Variants in CCL16 observed in about 807,000 individuals in gnomAD.
CCL16 encodes the protein C-C motif chemokine ligand 16.
In CCL16, 6 loss-of-function variants were observed where a neutral mutation model predicts 7.5. The observed-to-expected ratio is 0.80, with a 90% CI of 0.44 to 1.57. The LOEUF (loss-of-function observed/expected upper bound fraction) is 1.57, where lower values mean the gene tolerates loss of function less well. Among genes scored for constraint, CCL16 ranks in the 40% most tolerant of loss-of-function variants. CCL16 has a pLI of 0.01. For synonymous variants in CCL16, 60 were observed against 57.7 expected (o/e 1.04, Z -0.18); for missense variants, 134 against 142.9 (o/e 0.94, Z 0.32).
rs1232289768 is a variant in CCL16 at position 35,977,426 on chromosome 17, C to T, written c.*140G>A. On this transcript the variant is annotated 3_prime_UTR_variant, in exon 3 of 3. Coordinates refer to ENST00000611905, the MANE Select transcript of CCL16 (RefSeq NM_004590.4). Reference sequence around the variant, plus strand: ...TTCCTCCTAAGATTGAGAAAATATTCGAAATACTTCTCCTTTATTTTGATC... The same window carrying T: ...TTCCTCCTAAGATTGAGAAAATATTTGAAATACTTCTCCTTTATTTTGATC... The T allele has an allele frequency of 3.0e-6, 2 of 672,092 alleles. No homozygotes were observed. The highest frequency in any genetic ancestry group is 6.7e-5 in the Admixed American group (2 of 29,678). The allele number at this position is 672,092 out of a possible 1,614,324, so 41.6% of individuals were successfully genotyped here.
chr17:35,977,808 C>T (rs1014055932), intron 2 of CCL16, 77 bp from the exon 3 acceptor site: 3 of 1,494,870 alleles, frequency 2.0e-6, no homozygotes, highest in Non-Finnish European at 1.8e-6. Flanking sequence ...CTCTGGTTCA[C>T]ATGGAGCTCA....
chr17:35,977,513 C>T lies in CCL16; in HGVS notation c.*53G>A. 1 of 1,550,572 alleles carries T rather than the reference C, an allele frequency of 6.4e-7. No individual in the cohort carries two copies. The highest frequency in any genetic ancestry group is 8.8e-7 in the Non-Finnish European group (1 of 1,137,130). ...AGCCTAATAAGGCTTCCCCTGTTTT[C>T]ATAGGTTTACCCCTCTCTTCTGTAA... On this transcript the variant is annotated 3_prime_UTR_variant, in exon 3 of 3. Coordinates refer to ENST00000611905, the MANE Select transcript of CCL16 (RefSeq NM_004590.4).
chr17:35,979,307 A>G (rs2089663811), intron 1 of CCL16, among the ~76,000 whole-genome samples: 1 of 151,990 alleles, frequency 6.6e-6, no homozygotes, highest in African/African-American at 2.4e-5. Context: ...AGAGAGGAGG[A>G]GGGTCTGGTC....
chr17:35,979,169 G>A (rs1360361513), intron 1 of CCL16, among the ~76,000 whole-genome samples: 3 of 151,978 alleles, frequency 2.0e-5, no homozygotes, highest in African/African-American at 7.3e-5. Flanking sequence ...AGGACTTGTA[G>A]AATCTGGAAG....
rs953774766 is a variant in CCL16 at position 35,979,667 on chromosome 17, A to G, written c.77-1404T>C. The stretch of plus-strand genomic sequence containing the variant: ...AGAGCCTGGCACACAGAAAGGCTCA[A>G]TCAGTGCTTATTATAATTAAGAGCC... On this transcript the variant is annotated intron_variant, in intron 1 of 2. Coordinates refer to ENST00000611905, the MANE Select transcript of CCL16 (RefSeq NM_004590.4). Among the ~76,000 whole-genome samples, 77 of 152,318 alleles carry G rather than the reference A, an allele frequency of 5.1e-4. 1 individual carries two copies. Among genetic ancestry groups the G allele is most frequent in the Middle Eastern group, 3.4e-3 (1 of 294 alleles).
At position 35,977,724 on chromosome 17, in the gene CCL16, TGAC is replaced by T. The variant is rs748703665; in HGVS notation, c.202_204del (p.Val68del). On this transcript the variant is annotated inframe_deletion, in exon 3 of 3. Coordinates refer to ENST00000611905, the MANE Select transcript of CCL16 (RefSeq NM_004590.4). ...GTGCAGACTTCTCGGTTCCTCTTGG[TGAC>T]GAAGCTGCAGAGGCAGAATTAGACC... is the stretch of plus-strand genomic sequence containing the variant. 6.2e-6 allele frequency: 10 copies of T among 1,611,916 alleles called. No homozygotes were observed. In the East Asian group the frequency reaches 2.2e-4, roughly 36 times the overall value.
intron 2 of CCL16, 45 bp downstream of exon 2, chr17:35,978,098 G>T (rs1379978114): frequency 6.2e-7 from 1 of 1,613,158 alleles, no homozygotes; most frequent in South Asian, 1.1e-5. Flanking sequence ...CTGCCCCTGG[G>T]CTCCCTGTCC....
intron 1 of CCL16, among the ~76,000 whole-genome samples, chr17:35,980,680 G>T (rs1304851811): frequency 6.6e-6 from 1 of 152,102 alleles, no homozygotes; most frequent in Admixed American, 6.6e-5. Flanking sequence ...GATACGGAGG[G>T]GCAAAACAAA....
intron 1 of CCL16, chr17:35,980,526 A>G (rs778567647): frequency 5.0e-5 from 9 of 178,290 alleles, no homozygotes; most frequent in Non-Finnish European, 9.1e-5. Context: ...CATCACAAAC[A>G]AAACAAAACA....
rs545298101 is a variant in CCL16 at position 35,976,631 on chromosome 17, T to C, written c.*935A>G. 6.6e-6 allele frequency: 1 copy of C among 151,396 alleles called. No individual in the cohort carries two copies. Among genetic ancestry groups the C allele is most frequent in the Non-Finnish European group, 1.5e-5 (1 of 67,966 alleles). The allele number at this position is 151,396 out of a possible 1,614,324, so 9.4% of individuals were successfully genotyped here. ...GGGAGGTAGAGATTTGTGTCTCTTCTTCTTCTTCTTCTCTCTCTCTCTCTT... is the reference window on the plus strand; with the variant it reads ...GGGAGGTAGAGATTTGTGTCTCTTCCTCTTCTTCTTCTCTCTCTCTCTCTT... On this transcript the variant is annotated 3_prime_UTR_variant, in exon 3 of 3. Transcript: ENST00000611905.
At position 35,981,409 on chromosome 17, in the gene CCL16, G is replaced by A. The variant is rs759479400; in HGVS notation, c.12C>T (p.Ser4=). The A allele has an allele frequency of 5.0e-6, 8 of 1,611,560 alleles. No homozygotes were observed. In the African/African-American group the frequency reaches 6.7e-5, roughly 13 times the overall value. The change falls in exon 1 of 3, where the codon TCC becomes TCT. Residue 4 remains serine (S), a synonymous_variant. Coordinates refer to ENST00000611905, the MANE Select transcript of CCL16 (RefSeq NM_004590.4). ...GGACAAGGAGAGACAGGGCAGCCTC[G>A]GAGACCTTCATCCTCTCAGCGAGGC... is the stretch of plus-strand genomic sequence containing the variant. MKV[S]EAALSLLVLI...
chr17:35,977,593 A>G lies in CCL16; in HGVS notation c.336T>C (p.Gly112=). ...STVKIITAKN[G]QPQLLNSQ is the part of the protein sequence containing the mutation. ...ACTGGGAGTTGAGGAGCTGGGGTTG[A>G]CCATTCTTTGCTGTAATAATTTTAA... The change falls in exon 3 of 3, where the codon GGT becomes GGC. Residue 112 remains glycine (G), a synonymous_variant. Transcript: ENST00000611905. 6.2e-7 allele frequency: 1 copy of G among 1,612,640 alleles called. No homozygotes were observed. The highest frequency in any genetic ancestry group is 8.5e-7 in the Non-Finnish European group (1 of 1,179,946).
rs1316206939 is a variant in CCL16, at chr17:35,978,139, T to C, written c.197+4A>G. The C allele has an allele frequency of 1.2e-6, 2 of 1,614,082 alleles. No homozygotes were observed. The highest frequency in any genetic ancestry group is 1.7e-6 in the Non-Finnish European group (2 of 1,180,022). Reference sequence around the variant, plus strand: ...CACAGAAATATCTAAAAGGACGTGCTTACATGATTGCTGGCAGGTGACAGT... The same window carrying C: ...CACAGAAATATCTAAAAGGACGTGCCTACATGATTGCTGGCAGGTGACAGT... On this transcript the variant is annotated splice_donor_region_variant and intron_variant, in intron 2 of 2. Coordinates refer to ENST00000611905, the MANE Select transcript of CCL16 (RefSeq NM_004590.4).
intron 1 of CCL16, among the ~76,000 whole-genome samples, chr17:35,981,101 C>T (rs767754558): frequency 1.2e-4 from 18 of 152,256 alleles, no homozygotes; most frequent in South Asian, 4.2e-4. Context: ...CTGCTCACCA[C>T]GCTTGGGACT....
rs753448636 is a variant in CCL16 at position 35,981,335 on chromosome 17, G to A, written c.76+10C>T. On this transcript the variant is annotated intron_variant, in intron 1 of 2. Transcript: ENST00000611905. ...TCTCGTTCCTGCCCTACAGAGACAA[G>A]TGGACTCACTTGGCTGGCTGCGAGA... 6.2e-7 allele frequency: 1 copy of A among 1,602,636 alleles called. No homozygotes were observed. Among genetic ancestry groups the A allele is most frequent in the African/African-American group, 1.3e-5 (1 of 74,766 alleles).
In CCL16 at chr17:35,977,569, C is replaced by G. The variant is rs79254649; in HGVS notation, c.360G>C (p.Gln120His). 26 of 1,612,380 alleles carry G rather than the reference C, an allele frequency of 1.6e-5. No homozygotes were observed. The African/African-American group carries it at 3.3e-4, about 21-fold the overall frequency. The change falls in exon 3 of 3, where the codon CAG becomes CAC. Residue 120 changes from glutamine to histidine, a missense_variant. Transcript: ENST00000611905. ...GGCTTCCACTAAAGCCTGGTCATCA[C>G]TGGGAGTTGAGGAGCTGGGGTTGAC... ...KNGQPQLLNS[Q>H]
chr17:35,980,058 C>A (rs2089669493), intron 1 of CCL16, among the ~76,000 whole-genome samples: 1 of 152,162 alleles, frequency 6.6e-6, no homozygotes, highest in Non-Finnish European at 1.5e-5. Flanking sequence ...TTCCCCCCTC[C>A]CACACAGTCC....
Position 35,977,535 on chromosome 17 carries a change from G to T in CCL16, c.*31C>A, listed in dbSNP as rs778807323. On this transcript the variant is annotated 3_prime_UTR_variant, in exon 3 of 3. Coordinates refer to ENST00000611905, the MANE Select transcript of CCL16 (RefSeq NM_004590.4). Reference sequence around the variant, plus strand: ...TTTCATAGGTTTACCCCTCTCTTCTGTAAACAAGGGCTTCCACTAAAGCCT... The same window carrying T: ...TTTCATAGGTTTACCCCTCTCTTCTTTAAACAAGGGCTTCCACTAAAGCCT... The T allele has an allele frequency of 2.5e-6, 4 of 1,606,478 alleles. No homozygotes were observed. In the East Asian group the frequency reaches 6.7e-5, roughly 27 times the overall value.
rs2089641186 is a variant in CCL16 at position 35,976,902 on chromosome 17, G to A, written c.*664C>T. 1 of 152,232 alleles carries A rather than the reference G, an allele frequency of 6.6e-6. No individual in the cohort carries two copies. The highest frequency in any genetic ancestry group is 1.5e-5 in the Non-Finnish European group (1 of 68,078). The allele number at this position is 152,232 out of a possible 1,614,324, so 9.4% of individuals were successfully genotyped here. ...GGCTCTTAATGGGTCAAGACCCAGA[G>A]GGCAAAGATCATCTGGAAGGCTGGA... On this transcript the variant is annotated 3_prime_UTR_variant, in exon 3 of 3. Coordinates refer to ENST00000611905, the MANE Select transcript of CCL16 (RefSeq NM_004590.4).
Sources: gnomAD v4.1 joint callset for allele counts (sites outside exome capture counted in the v4.1 genomes callset) on GRCh38, gnomAD v4.1.1 for gene constraint, MANE v1.5 for transcripts, NCBI Gene and HGNC (gene_info 2026-07-23, HGNC 2026-07-21) for gene names.